Variants in VPS52 observed in about 807,000 individuals in gnomAD.
VPS52 encodes vacuolar protein sorting-associated protein 52 homolog.
In VPS52, 56 loss-of-function variants were observed where a neutral mutation model predicts 98.7. The observed-to-expected ratio is 0.57, with a 90% confidence interval of 0.46 to 0.71. VPS52 has a LOEUF of 0.71. VPS52 is among the 30% of genes least tolerant of loss of function. VPS52 has a pLI of 0.00. For missense variants in VPS52, 742 were observed against 925.9 expected (o/e 0.80, Z 2.58); for synonymous variants, 348 against 346.4 (o/e 1.00, Z -0.05).
chr6:33,264,750 C>T (rs1486196248), intron 13 of VPS52, 32 bp downstream of exon 13: 2 of 1,594,404 alleles, frequency 1.3e-6, no homozygotes, highest in South Asian at 1.1e-5. Context: ...AGTTCGTGGC[C>T]TGTTGGGCAT....
In VPS52 at chr6:33,269,990, A is replaced by G; in HGVS notation, c.228+9T>C. The G allele has an allele frequency of 1.9e-6, 3 of 1,614,098 alleles. No homozygotes were observed. The highest frequency in any genetic ancestry group is 2.5e-6 in the Non-Finnish European group (3 of 1,180,016). On this transcript the variant is annotated intron_variant, in intron 3 of 19. Transcript: ENST00000445902. ...TAGAAGGGCAGATTAGTACAGGGGA[A>G]AGCCTCACCGTTTTAAGAGCTTCCT...
Position 33,268,666 on chromosome 6 carries a change from G to C in VPS52, c.549-17C>G. The stretch of plus-strand genomic sequence containing the variant: ...AGAATTGCCCTGGTTAGCAGGGAGG[G>C]GTGGGATGAGTTACAAGGGAGACCC... On this transcript the variant is annotated splice_polypyrimidine_tract_variant and intron_variant, in intron 6 of 19. Coordinates refer to ENST00000445902, the MANE Select transcript of VPS52 (RefSeq NM_022553.6). The surrounding 1 kb of genome is among the most constrained non-coding windows in gnomAD (Gnocchi z 4.0). 1 of 1,586,696 alleles carries C rather than the reference G, an allele frequency of 6.3e-7. No individual in the cohort carries two copies. Among genetic ancestry groups the C allele is most frequent in the Non-Finnish European group, 8.5e-7 (1 of 1,171,490 alleles).
rs974320615 is a variant in VPS52, at chr6:33,270,129, T to C, written c.175+70A>G. 5.0e-6 allele frequency: 8 copies of C among 1,612,388 alleles called. No homozygotes were observed. In the South Asian group the frequency reaches 5.5e-5, roughly 11 times the overall value. ...CATTGAGTATCTGCACACCAATCCC[T>C]ACCTTATTCCTTCCAGCCCCCATGC... On this transcript the variant is annotated intron_variant, in intron 2 of 19. Transcript: ENST00000445902.
At chr6:33,256,846 AAAAAAAAAAGAAAAG>A (rs201238900) in intron 17 of VPS52, among the ~76,000 whole-genome samples, 6,291 of 150,130 alleles carry the variant, frequency 0.042, 462 homozygotes, top group African/African-American at 0.15. Context: ...TGTCTAAAAA[AAAAAAAAAAGAAAAG>A]AAAAAAAAAG....
Position 33,264,470 on chromosome 6 carries a change from T to C in VPS52, c.1428A>G (p.Leu476=), listed in dbSNP as rs1439477510. The part of the protein sequence containing the change: ...DRYWEQVLAL[L]WPRFELILEM... The stretch of plus-strand genomic sequence containing the variant: ...CCAGGATCAGTTCAAACCGTGGCCA[T>C]AGCAAGGCAAGCACCTGTTCCCAGT... The change falls in exon 14 of 20, where the codon CTA becomes CTG. Residue 476 remains leucine (L), a synonymous_variant. Coordinates refer to ENST00000445902, the MANE Select transcript of VPS52 (RefSeq NM_022553.6). 1.9e-6 allele frequency: 3 copies of C among 1,614,110 alleles called. No homozygotes were observed. The highest frequency in any genetic ancestry group is 3.3e-5 in the Admixed American group (2 of 60,008).
chr6:33,263,414 C>CACACACACACACACACAGAGAG lies in VPS52; in HGVS notation c.1794+69_1794+70insCTCTCTGTGTGTGTGTGTGTGT, dbSNP rs142124369. On this transcript the variant is annotated intron_variant, in intron 17 of 19. Coordinates refer to ENST00000445902, the MANE Select transcript of VPS52 (RefSeq NM_022553.6). Reference sequence around the variant, plus strand: ...ACACACACACACACACACACACACACAGAGAGAGAGAGAGAGAGAGCTGAA... The same window carrying CACACACACACACACACAGAGAG: ...ACACACACACACACACACACACACACACACACACACACACACAGAGAGAGAGAGAGAGAGAGAGAGAGCTGAA... 3,353 of 973,342 alleles carry CACACACACACACACACAGAGAG rather than the reference C, an allele frequency of 3.4e-3. 11 individuals are homozygous for CACACACACACACACACAGAGAG. Among genetic ancestry groups the CACACACACACACACACAGAGAG allele is most frequent in the South Asian group, 0.01 (665 of 64,888 alleles). 60.3% of individuals were successfully genotyped at this position (973,342 alleles called of 1,614,324 possible). A position where few individuals can be genotyped will look rare whatever the true frequency, so the allele number is the denominator to read the frequency against.
At position 33,267,585 on chromosome 6, in the gene VPS52, C is replaced by T. The variant is rs2097071114; in HGVS notation, c.991+97G>A. 1 of 1,433,654 alleles carries T rather than the reference C, an allele frequency of 7.0e-7. No individual in the cohort carries two copies. 88.8% of individuals were successfully genotyped at this position (1,433,654 alleles called of 1,614,324 possible). On this transcript the variant is annotated intron_variant, in intron 10 of 19. Transcript: ENST00000445902. The surrounding 1 kb of genome is among the most constrained non-coding windows in gnomAD (Gnocchi z 4.2). ...TCATCACATTCTAAAAGGTTTCAGT[C>T]CCATAGGAAAAGGTAAGGAGCAGTG... is the stretch of plus-strand genomic sequence containing the variant.
intron 17 of VPS52, among the ~76,000 whole-genome samples, chr6:33,261,372 CA>C (rs1371472082): frequency 2.0e-5 from 3 of 151,342 alleles, no homozygotes; most frequent in African/African-American, 7.3e-5. Context: ...GAGGCTGAGG[CA>C]GGAGAATCAC....
chr6:33,261,054 G>A (rs758052607), intron 17 of VPS52, among the ~76,000 whole-genome samples: 6 of 151,652 alleles, frequency 4.0e-5, no homozygotes, highest in Non-Finnish European at 8.8e-5. Flanking sequence ...TTCAAGACCA[G>A]CCCAGGCAAC....
rs1764028526 is a variant in VPS52 at position 33,264,376 on chromosome 6, A to G, written c.1522T>C (p.Tyr508His). The G allele has an allele frequency of 6.2e-7, 1 of 1,613,896 alleles. No individual in the cohort carries two copies. The highest frequency in any genetic ancestry group is 2.2e-5 in the East Asian group (1 of 44,874). Residue 508 changes from tyrosine to histidine, a missense_variant and splice_region_variant, in exon 14 of 20, where the codon TAT becomes CAT. Physicochemically the swap from Tyr to His is moderately conservative, Grantham distance 83. Coordinates refer to ENST00000445902, the MANE Select transcript of VPS52 (RefSeq NM_022553.6). ...TTGTTACCCTTGCCCTCCCTCACAT[A>G]GTGGGGCCGAGTATCCAACCCCCCT... The part of the protein sequence containing the change: ...RLGGLDTRPH[Y>H]ITRRYAEFSS...
Position 33,251,843 on chromosome 6 carries a change from C to G in VPS52, c.1906+17G>C, listed in dbSNP as rs1165836031. On this transcript the variant is annotated intron_variant, in intron 18 of 19. Transcript: ENST00000445902. ...TCCCTTACCACTGATCCCATCATTA[C>G]CATATTTTCCTCATACCTTCTTCCC... The G allele has an allele frequency of 6.2e-7, 1 of 1,612,096 alleles. No individual in the cohort carries two copies. The highest frequency in any genetic ancestry group is 8.5e-7 in the Non-Finnish European group (1 of 1,178,638).
chr6:33,250,929 G>T lies in VPS52; in HGVS notation c.2084C>A (p.Pro695Gln). The change falls in exon 20 of 20, where the codon CCG becomes CAG. Residue 695 changes from proline (P) to glutamine (Q), a missense_variant. Coordinates refer to ENST00000445902, the MANE Select transcript of VPS52 (RefSeq NM_022553.6). ...CCGGGCAGGGAGGGCTCGGAGCTGC[G>T]GCTGGGACAGCACCCGGTGGAAGCG... ...YHRFHRVLSQ[P>Q]QLRALPARAE... The T allele has an allele frequency of 6.2e-7, 1 of 1,613,072 alleles. No homozygotes were observed. Among genetic ancestry groups the T allele is most frequent in the Non-Finnish European group, 8.5e-7 (1 of 1,180,036 alleles).
At position 33,271,664 on chromosome 6, in the gene VPS52, A is replaced by G; in HGVS notation, c.12T>C (p.Ala4=). 6.2e-7 allele frequency: 1 copy of G among 1,608,466 alleles called. No individual in the cohort carries two copies. The highest frequency in any genetic ancestry group is 1.1e-5 in the South Asian group (1 of 90,468). The change falls in exon 1 of 20, where the codon GCT becomes GCC. Residue 4 remains alanine (A), a synonymous_variant. Transcript: ENST00000445902. MAA[A]ATMAAAAREL... is the part of the protein sequence containing the mutation. ...CCCGGGCCGCAGCCGCCATGGTCGC[A>G]GCGGCGGCCATTCCCCGCAGCCTCA...
chr6:33,267,623 G>A lies in VPS52; in HGVS notation c.991+59C>T. The A allele has an allele frequency of 6.3e-7, 1 of 1,591,064 alleles. No individual in the cohort carries two copies. Among genetic ancestry groups the A allele is most frequent in the Non-Finnish European group, 8.6e-7 (1 of 1,161,610 alleles). On this transcript the variant is annotated intron_variant, in intron 10 of 19. Transcript: ENST00000445902. The surrounding 1 kb of genome is among the most constrained non-coding windows in gnomAD (Gnocchi z 4.2). The stretch of plus-strand genomic sequence containing the variant: ...GTAAGGAGCAGTGCATTGGTGGCTG[G>A]AGTCGAAAGTCCTCCCACTCTCAAG...
chr6:33,251,662 G>T, intron 18 of VPS52, 26 bp from the exon 19 acceptor site: 1 of 1,577,678 alleles, frequency 6.3e-7, no homozygotes, highest in Non-Finnish European at 8.7e-7. Context: ...AACAGTGTCA[G>T]AGAGGGATCT....
chr6:33,266,648 TATTCGCGGCAGGA>T lies in VPS52; in HGVS notation c.1177_1189del (p.Ser393ThrfsTer29), dbSNP rs571192587. 1.2e-6 allele frequency: 2 copies of T among 1,612,624 alleles called. No individual in the cohort carries two copies. Among genetic ancestry groups the T allele is most frequent in the Non-Finnish European group, 1.7e-6 (2 of 1,179,956 alleles). On this transcript the variant is annotated frameshift_variant, in exon 12 of 20. Transcript: ENST00000445902. LOFTEE classifies it high-confidence loss of function. The stretch of plus-strand genomic sequence containing the variant: ...AACAAAAAATTCACAGATGAAAAGG[TATTCGCGGCAGGA>T]ATTGTCTAGGAGGGCGTAGTGCTGG...
rs375803351 is a variant in VPS52 at position 33,270,283 on chromosome 6, C to T, written c.91G>A (p.Ala31Thr). 4 of 1,610,598 alleles carry T rather than the reference C, an allele frequency of 2.5e-6. No individual in the cohort carries two copies. The highest frequency in any genetic ancestry group is 3.4e-6 in the Non-Finnish European group (4 of 1,177,122). Residue 31 changes from alanine to threonine, a missense_variant and splice_region_variant, in exon 2 of 20, where the codon GCG becomes ACG. Physicochemically the swap from Ala to Thr is moderately conservative, Grantham distance 58. Transcript: ENST00000445902. ...SDMEEEEGPL[A>T]GGPGLQEPLQ... ...GGTTCCTGGAGCCCAGGACCACCCG[C>T]CTGGAAAGGGATAAGTTAATGGGAG... is the stretch of plus-strand genomic sequence containing the variant.
At chr6:33,254,272 T>C (rs1762671125) in intron 17 of VPS52, among the ~76,000 whole-genome samples, 1 of 152,026 alleles carries the variant, frequency 6.6e-6, no homozygotes, top group Non-Finnish European at 1.5e-5. Context: ...GCAACTTGTC[T>C]CAGTAAATAA....
Position 33,264,834 on chromosome 6 carries a change from C to T in VPS52, c.1348G>A (p.Val450Ile). 3.1e-6 allele frequency: 5 copies of T among 1,612,982 alleles called. No homozygotes were observed. Among genetic ancestry groups the T allele is most frequent in the Non-Finnish European group, 3.4e-6 (4 of 1,180,016 alleles). The change falls in exon 13 of 20, where the codon GTT becomes ATT. Residue 450 changes from valine (V) to isoleucine (I), a missense_variant. Val to Ile is a conservative substitution (Grantham distance 29). Transcript: ENST00000445902. ...AIAVFLCIHI[V>I]LRFRNIAAKR... ...GCTGCAATGTTACGGAACCGGAGAA[C>T]AATGTGGATACAGAGAAAAACAGCA...
Sources: gnomAD v4.1 joint callset for allele counts (sites outside exome capture counted in the v4.1 genomes callset) on GRCh38, gnomAD v4.1.1 for gene constraint, Gnocchi (gnomAD v3.1) non-coding constraint, MANE v1.5 for transcripts, NCBI Gene and HGNC (gene_info 2026-07-23, HGNC 2026-07-21) for gene names.